AP3B1: variants seen among roughly 807,000 people sequenced by gnomAD.
AP3B1 encodes the protein adaptor related protein complex 3 subunit beta 1.
Under a neutral mutation model 132.5 loss-of-function variants are expected in AP3B1, and 61 were observed. The ratio of observed to expected loss-of-function variants is 0.46; its 90% CI spans 0.37 to 0.57. The LOEUF is 0.57. Among genes scored for constraint, AP3B1 ranks in the 20% least tolerant of loss-of-function variants. The pLI is 0.00. For missense variants in AP3B1, 1,120 were observed against 1,289.4 expected (o/e 0.87, Z 2.01); for synonymous variants, 388 against 438.3 (o/e 0.89, Z 1.43).
chr5:78,018,021 C>A, intron 25 of AP3B1, among the ~76,000 whole-genome samples: 1 of 151,826 alleles, frequency 6.6e-6, no homozygotes. Flanking sequence ...AAAAAAAATT[C>A]TAAGTTTTAC....
At chr5:78,057,319 G>C (rs1284312525) in intron 22 of AP3B1, among the ~76,000 whole-genome samples, 1 of 152,144 alleles carries the variant, frequency 6.6e-6, no homozygotes, top group Non-Finnish European at 1.5e-5. Flanking sequence ...GGAGACAGCA[G>C]TGGACCCTTA....
chr5:78,049,097 C>T (rs1382363875), intron 22 of AP3B1, among the ~76,000 whole-genome samples: 2 of 152,190 alleles, frequency 1.3e-5, no homozygotes, highest in Non-Finnish European at 1.5e-5. Context: ...CTACTTAATT[C>T]TACCTTTAAT....
chr5:78,233,527 G>C (rs1190178649), intron 3 of AP3B1, among the ~76,000 whole-genome samples: 1 of 152,034 alleles, frequency 6.6e-6, no homozygotes, highest in Non-Finnish European at 1.5e-5. Context: ...GAGCCACCAC[G>C]CCCAGCCCAG....
At chr5:78,265,101 A>C (rs1029737600) in intron 2 of AP3B1, among the ~76,000 whole-genome samples, 1 of 152,194 alleles carries the variant, frequency 6.6e-6, no homozygotes, top group African/African-American at 2.4e-5. Context: ...AATAATAAAA[A>C]TCAATATTTA....
chr5:78,204,061 A>G (rs533685933), intron 7 of AP3B1, among the ~76,000 whole-genome samples: 42 of 152,270 alleles, frequency 2.8e-4, no homozygotes, highest in African/African-American at 9.4e-4. Flanking sequence ...AGCAAATCCA[A>G]TGTCTGGACT....
intron 26 of AP3B1, among the ~76,000 whole-genome samples, chr5:78,006,008 G>C (rs1746376545): frequency 6.6e-6 from 1 of 152,158 alleles, no homozygotes; most frequent in Non-Finnish European, 1.5e-5. Context: ...GCTTGGCCTT[G>C]AACTAAGATC....
At chr5:78,193,768 A>ATTTTT (rs748328573) in intron 7 of AP3B1, among the ~76,000 whole-genome samples, 21 of 66,668 alleles carry the variant, frequency 3.1e-4, no homozygotes, top group Middle Eastern at 6.7e-3. Context: ...ATATATATAT[A>ATTTTT]TATTTTTTTT....
chr5:78,202,807 T>G (rs1325107592), intron 7 of AP3B1, among the ~76,000 whole-genome samples: 2 of 152,176 alleles, frequency 1.3e-5, no homozygotes, highest in African/African-American at 2.4e-5. Flanking sequence ...GTGAAAATTT[T>G]ATGTCAACAA....
chr5:78,131,505 TC>T (rs1336076870), intron 15 of AP3B1, among the ~76,000 whole-genome samples: 5 of 151,982 alleles, frequency 3.3e-5, no homozygotes, highest in Non-Finnish European at 7.4e-5. Context: ...ATTTAGCTTT[TC>T]CCCCATGTAG....
rs542475226 is a variant in AP3B1 at position 78,247,874 on chromosome 5, T to C, written c.205-6938A>G. On this transcript the variant is annotated intron_variant, in intron 2 of 26. Transcript: ENST00000255194. ...TTCAGGTCTACCATTTTAGTATCCGTTTCCTGTTTATTCCCTGTATTTTCT... is the reference window on the plus strand; with the variant it reads ...TTCAGGTCTACCATTTTAGTATCCGCTTCCTGTTTATTCCCTGTATTTTCT... 5.9e-5 allele frequency among the ~76,000 whole-genome samples: 9 copies of C among 152,312 alleles called. No individual in the cohort carries two copies. The South Asian group carries it at 1.7e-3, about 28-fold the overall frequency.
chr5:78,251,353 A>C (rs1747627692), intron 2 of AP3B1, among the ~76,000 whole-genome samples: 1 of 152,206 alleles, frequency 6.6e-6, no homozygotes, highest in Non-Finnish European at 1.5e-5. Flanking sequence ...AAACACCTTC[A>C]TAAGAACCAA....
intron 17 of AP3B1, among the ~76,000 whole-genome samples, chr5:78,127,285 C>T (rs947067425): frequency 2.0e-5 from 3 of 152,136 alleles, no homozygotes; most frequent in Non-Finnish European, 4.4e-5. Flanking sequence ...ATCCAGAATA[C>T]AATTCTTAAC....
intron 1 of AP3B1, among the ~76,000 whole-genome samples, chr5:78,275,481 C>T (rs75332406): frequency 0.01 from 1,594 of 151,972 alleles, 32 homozygotes; most frequent in African/African-American, 0.037. Context: ...TCATGATAGG[C>T]AATTTTTTTT....
intron 24 of AP3B1, among the ~76,000 whole-genome samples, chr5:78,033,100 G>A (rs891021004): frequency 2.6e-5 from 4 of 151,928 alleles, no homozygotes; most frequent in African/African-American, 9.7e-5. Context: ...TCTTAATTTT[G>A]GTCTAACTTG....
At chr5:78,206,779 C>G (rs1334854113) in intron 7 of AP3B1, among the ~76,000 whole-genome samples, 1 of 152,012 alleles carries the variant, frequency 6.6e-6, no homozygotes, top group Non-Finnish European at 1.5e-5. Context: ...CATTGAAAAT[C>G]AAATTACTGA....
intron 22 of AP3B1, among the ~76,000 whole-genome samples, chr5:78,083,454 GTCTTTTTTCCCCCTAT>G (rs1429372740): frequency 6.6e-6 from 1 of 152,078 alleles, no homozygotes; most frequent in Non-Finnish European, 1.5e-5. Context: ...ACACAAAATT[GTCTTTTTTCCCCCTAT>G]TCTTTTTTCA....
At chr5:78,155,896 T>C (rs1743129005) in intron 14 of AP3B1, among the ~76,000 whole-genome samples, 3 of 152,110 alleles carry the variant, frequency 2.0e-5, no homozygotes, top group Admixed American at 2.0e-4. Context: ...GTGCACAAAG[T>C]GTGCTCAATG....
At chr5:78,187,609 C>A (rs1294675695) in intron 7 of AP3B1, among the ~76,000 whole-genome samples, 1 of 152,128 alleles carries the variant, frequency 6.6e-6, no homozygotes, top group Non-Finnish European at 1.5e-5. Flanking sequence ...GAAAAATATT[C>A]CATGCTCATG....
intron 3 of AP3B1, among the ~76,000 whole-genome samples, chr5:78,229,087 C>T (rs1021177670): frequency 6.6e-6 from 1 of 151,966 alleles, no homozygotes; most frequent in African/African-American, 2.4e-5. Context: ...TATGCACCAC[C>T]ACACCCGGCT....
Sources: gnomAD v4.1 joint callset for allele counts (sites outside exome capture counted in the v4.1 genomes callset) on GRCh38, gnomAD v4.1.1 for gene constraint, MANE v1.5 for transcripts, NCBI Gene and HGNC (gene_info 2026-07-23, HGNC 2026-07-21) for gene names.